The following CACNA2D3 variants were observed in gnomAD, a reference collection of about 807,000 sequenced individuals.
CACNA2D3 encodes voltage-dependent calcium channel subunit alpha-2/delta-3.
A neutral mutation model predicts 160.6 loss-of-function variants in CACNA2D3; 60 were observed. The observed-to-expected ratio is 0.37, with a 90% CI of 0.30 to 0.46. The LOEUF is 0.46. Among genes scored for constraint, CACNA2D3 ranks in the 20% least tolerant of loss-of-function variants. CACNA2D3 has a pLI of 1.00. For missense variants in CACNA2D3, 1,205 were observed against 1,365.0 expected (o/e 0.88, Z 1.85); for synonymous variants, 558 against 492.9 (o/e 1.13, Z -1.75).
intron 35 of CACNA2D3, among the ~76,000 whole-genome samples, chr3:55,029,010 A>G (rs1386936046): frequency 6.6e-6 from 1 of 152,194 alleles, no homozygotes; most frequent in Non-Finnish European, 1.5e-5. Flanking sequence ...TCAGAAAACC[A>G]TAGTTCAGGG....
chr3:54,968,585 G>A, intron 28 of CACNA2D3, 74 bp downstream of exon 28: 1 of 1,020,410 alleles, frequency 9.8e-7, no homozygotes, highest in Non-Finnish European at 1.5e-6. Flanking sequence ...GGTACCTGGA[G>A]CCTGAAAGTG....
intron 9 of CACNA2D3, among the ~76,000 whole-genome samples, chr3:54,620,444 G>A (rs536079943): frequency 6.6e-6 from 1 of 152,304 alleles, no homozygotes; most frequent in African/African-American, 2.4e-5. Flanking sequence ...GGGCAGCAAG[G>A]AGCAGCAGAC....
At chr3:54,535,673 T>C (rs534503424) in intron 5 of CACNA2D3, among the ~76,000 whole-genome samples, 5 of 152,358 alleles carry the variant, frequency 3.3e-5, no homozygotes, top group African/African-American at 1.2e-4. Flanking sequence ...TTAATAATTA[T>C]AGAGGTATCA....
chr3:54,933,893 G>A (rs557345877), intron 27 of CACNA2D3, among the ~76,000 whole-genome samples: 8 of 151,642 alleles, frequency 5.3e-5, no homozygotes, highest in African/African-American at 1.5e-4. Context: ...CTCAGCCTCC[G>A]GAGTAGCTGG....
rs111805308 is a variant in CACNA2D3 at position 55,006,750 on chromosome 3, A to G, written c.2767-1040A>G. ...CATTTACTTTCTGGCCGGACTGGGAAAGTTTTGAGAATGATTGGGGGCATG... is the reference window on the plus strand; with the variant it reads ...CATTTACTTTCTGGCCGGACTGGGAGAGTTTTGAGAATGATTGGGGGCATG... On this transcript the variant is annotated intron_variant, in intron 32 of 37. Coordinates refer to ENST00000474759, the MANE Select transcript of CACNA2D3 (RefSeq NM_018398.3). Among the ~76,000 whole-genome samples, 335 of 152,274 alleles carry G rather than the reference A, an allele frequency of 2.2e-3. 2 individuals carry two copies. The highest frequency in any genetic ancestry group is 7.6e-3 in the African/African-American group (314 of 41,560).
Position 54,503,664 on chromosome 3 carries a change from C to T in CACNA2D3, c.544+10C>T. 1 of 1,611,896 alleles carries T rather than the reference C, an allele frequency of 6.2e-7. No homozygotes were observed. Among genetic ancestry groups the T allele is most frequent in the Non-Finnish European group, 8.5e-7 (1 of 1,178,260 alleles). On this transcript the variant is annotated intron_variant, in intron 5 of 37. Transcript: ENST00000474759. ...AACATGTACAACAAAGGTAAGACTC[C>T]CAGCCACTGCTCCTTTTAGAAGGTG... is the stretch of plus-strand genomic sequence containing the variant.
chr3:54,505,526 T>C (rs2106949562), intron 5 of CACNA2D3, among the ~76,000 whole-genome samples: 1 of 152,284 alleles, frequency 6.6e-6, no homozygotes, highest in Admixed American at 6.5e-5. Context: ...AGGGCTGAGC[T>C]CAGCTTCATT....
chr3:54,133,150 A>G (rs1488319211), intron 2 of CACNA2D3, among the ~76,000 whole-genome samples: 1 of 152,136 alleles, frequency 6.6e-6, no homozygotes, highest in Non-Finnish European at 1.5e-5. Flanking sequence ...CAGCTCTACA[A>G]GGGGTTTTCG....
intron 2 of CACNA2D3, among the ~76,000 whole-genome samples, chr3:54,309,361 G>A (rs1053174414): frequency 1.3e-5 from 2 of 152,218 alleles, no homozygotes; most frequent in African/African-American, 4.8e-5. Flanking sequence ...TTATACCATA[G>A]AGCTACAATT....
intron 31 of CACNA2D3, among the ~76,000 whole-genome samples, chr3:54,998,623 A>T (rs1454866393): frequency 6.6e-6 from 1 of 152,130 alleles, no homozygotes; most frequent in African/African-American, 2.4e-5. Flanking sequence ...GTTGCTCCCC[A>T]TTCAGTGTTC....
chr3:54,709,204 G>T (rs1700911049), intron 11 of CACNA2D3, among the ~76,000 whole-genome samples: 1 of 151,462 alleles, frequency 6.6e-6, no homozygotes, highest in East Asian at 1.9e-4. Flanking sequence ...TAGTAGAGAT[G>T]GAGTTTCACC....
chr3:54,810,910 T>C (rs1444629590), intron 13 of CACNA2D3, among the ~76,000 whole-genome samples: 3 of 152,166 alleles, frequency 2.0e-5, no homozygotes, highest in Non-Finnish European at 4.4e-5. Context: ...TGAAATACCT[T>C]TATCAGGGCC....
At chr3:54,554,481 A>T (rs1022895557) in intron 5 of CACNA2D3, among the ~76,000 whole-genome samples, 10 of 152,202 alleles carry the variant, frequency 6.6e-5, no homozygotes, top group Non-Finnish European at 1.2e-4. Flanking sequence ...TACCCTGGAT[A>T]GTCTCAGGAC....
At chr3:54,393,811 C>G (rs532456294) in intron 4 of CACNA2D3, among the ~76,000 whole-genome samples, 1 of 152,238 alleles carries the variant, frequency 6.6e-6, no homozygotes, top group Non-Finnish European at 1.5e-5. Flanking sequence ...ACACCTTGCC[C>G]TACTGGCTGA....
At chr3:54,489,212 C>A (rs1387839736) in intron 4 of CACNA2D3, among the ~76,000 whole-genome samples, 1 of 152,108 alleles carries the variant, frequency 6.6e-6, no homozygotes, top group Non-Finnish European at 1.5e-5. Flanking sequence ...GGATTGCATG[C>A]TGGGAGATGG....
At chr3:54,838,932 C>T (rs969269638) in intron 16 of CACNA2D3, among the ~76,000 whole-genome samples, 1 of 152,062 alleles carries the variant, frequency 6.6e-6, no homozygotes, top group Admixed American at 6.5e-5. Context: ...CTGATACACA[C>T]AGGATATCAA....
At chr3:54,351,808 C>A (rs1698569671) in intron 3 of CACNA2D3, among the ~76,000 whole-genome samples, 1 of 152,222 alleles carries the variant, frequency 6.6e-6, no homozygotes, top group Non-Finnish European at 1.5e-5. Flanking sequence ...TTGCTCGGCT[C>A]TCTTTCGGCC....
intron 10 of CACNA2D3, among the ~76,000 whole-genome samples, chr3:54,640,349 G>T (rs1229557779): frequency 1.3e-5 from 2 of 152,168 alleles, no homozygotes; most frequent in Non-Finnish European, 2.9e-5. Flanking sequence ...CTTACTGAAG[G>T]TTGAAGATTT....
At chr3:54,754,935 G>T (rs1261055597) in intron 12 of CACNA2D3, among the ~76,000 whole-genome samples, 1 of 152,176 alleles carries the variant, frequency 6.6e-6, no homozygotes, top group Non-Finnish European at 1.5e-5. Context: ...GGAAGCTTGG[G>T]TCTCACAAGG....
Sources: gnomAD v4.1 joint callset for allele counts (sites outside exome capture counted in the v4.1 genomes callset) on GRCh38, gnomAD v4.1.1 for gene constraint, MANE v1.5 for transcripts, NCBI Gene and HGNC (gene_info 2026-07-23, HGNC 2026-07-21) for gene names.